The following RPS9 variants were observed in gnomAD, a reference collection of about 807,000 sequenced individuals.
RPS9 encodes ribosomal protein S9.
Under a neutral mutation model 16.9 loss-of-function variants are expected in RPS9, and 1 was observed. That is an observed-to-expected ratio of 0.06 (90% CI 0.02 to 0.28). RPS9 has a LOEUF of 0.28. RPS9 is among the 10% of genes least tolerant of loss of function. RPS9 has a pLI of 1.00. For missense variants in RPS9, 137 were observed against 273.2 expected (o/e 0.50, Z 3.51); for synonymous variants, 106 against 110.9 (o/e 0.96, Z 0.28).
intron 3 of RPS9, among the ~76,000 whole-genome samples, chr19:54,205,533 C>T (rs1339553665): frequency 3.3e-5 from 5 of 152,046 alleles, no homozygotes; most frequent in Admixed American, 6.6e-5. Context: ...ATTTATGGCA[C>T]GGAATGTGAT....
chr19:54,204,096 G>A (rs1462499665), intron 3 of RPS9, among the ~76,000 whole-genome samples: 1 of 152,122 alleles, frequency 6.6e-6, no homozygotes, highest in East Asian at 1.9e-4. Flanking sequence ...CAATAAATGT[G>A]GGCCTGAGTG....
intron 3 of RPS9, among the ~76,000 whole-genome samples, chr19:54,204,975 G>A (rs185025402): frequency 4.6e-5 from 7 of 152,278 alleles, no homozygotes; most frequent in South Asian, 2.1e-4. Flanking sequence ...GGAAAACTTT[G>A]GGTCCTCACA....
intron 3 of RPS9, 29 bp downstream of exon 3, chr19:54,201,638 TG>T: frequency 6.2e-7 from 1 of 1,613,652 alleles, no homozygotes; most frequent in African/African-American, 1.3e-5. Context: ...AGCAGAGGGA[TG>T]GGGTGCAGGG....
chr19:54,207,629 C>A lies in RPS9; in HGVS notation c.*54C>A. 1 of 1,478,090 alleles carries A rather than the reference C, an allele frequency of 6.8e-7. No individual in the cohort carries two copies. Among genetic ancestry groups the A allele is most frequent in the Non-Finnish European group, 9.1e-7 (1 of 1,096,752 alleles). The allele number at this position is 1,478,090 out of a possible 1,614,324, so 91.6% of individuals were successfully genotyped here. On this transcript the variant is annotated 3_prime_UTR_variant, in exon 5 of 5. Transcript: ENST00000302907. The stretch of plus-strand genomic sequence containing the variant: ...TTGTCTCGTTTTCCTGCCAAATAAA[C>A]AGGATCAGCGCTTTACAATTGGTGT...
intron 3 of RPS9, chr19:54,201,916 G>A: frequency 2.5e-6 from 1 of 393,854 alleles, no homozygotes; most frequent in Non-Finnish European, 4.5e-6. Context: ...TGGCCTGTTT[G>A]CTAGTGGATG....
At chr19:54,202,516 G>A (rs1009550074) in intron 3 of RPS9, 4 of 979,204 alleles carry the variant, frequency 4.1e-6, no homozygotes, top group Non-Finnish European at 4.9e-6. Context: ...ACTTTAGGAG[G>A]GCATGCAGAT....
chr19:54,206,583 A>G, intron 4 of RPS9, 121 bp downstream of exon 4: 1 of 1,554,142 alleles, frequency 6.4e-7, no homozygotes, highest in Non-Finnish European at 8.7e-7. Context: ...GAACTCACCC[A>G]GAGGGTACAG....
chr19:54,205,409 A>C (rs10424181), intron 3 of RPS9, among the ~76,000 whole-genome samples: 40,067 of 150,902 alleles, frequency 0.27, 6,587 homozygotes, highest in East Asian at 0.49. Flanking sequence ...CATACTAGAT[A>C]TATTTTTGGT....
At position 54,201,736 on chromosome 19, in the gene RPS9, T is replaced by C. The variant is rs939061135; in HGVS notation, c.220+127T>C. 4.0e-6 allele frequency: 6 copies of C among 1,481,768 alleles called. No homozygotes were observed. In the African/African-American group the frequency reaches 5.6e-5, roughly 14 times the overall value. 91.8% of individuals were successfully genotyped at this position (1,481,768 alleles called of 1,614,324 possible). A position where few individuals can be genotyped will look rare whatever the true frequency, so the allele number is the denominator to read the frequency against. ...ATAAATGGAACCAGCCTTCTAACTT[T>C]TAGTGGCACTTGTGGAGTAGGAAAA... On this transcript the variant is annotated intron_variant, in intron 3 of 4. Transcript: ENST00000302907.
At chr19:54,202,340 C>T (rs745535365) in intron 3 of RPS9, 39 of 786,318 alleles carry the variant, frequency 5.0e-5, no homozygotes, top group Non-Finnish European at 5.7e-5. Flanking sequence ...CATGGGCCAC[C>T]AAGCCTGGCT....
intron 3 of RPS9, chr19:54,202,403 C>T (rs2077089623): frequency 4.1e-6 from 4 of 983,126 alleles, no homozygotes; most frequent in Admixed American, 6.2e-5. Flanking sequence ...CAGGCTGGTG[C>T]TTGTTTTTTT....
chr19:54,204,448 G>C (rs1338505749), intron 3 of RPS9, among the ~76,000 whole-genome samples: 4 of 152,084 alleles, frequency 2.6e-5, no homozygotes, highest in African/African-American at 9.7e-5. Context: ...TTGTCTCCCG[G>C]GCTGGAGCAC....
Position 54,201,199 on chromosome 19 carries a change from G to A in RPS9, c.15G>A (p.Arg5=), listed in dbSNP as rs1337852255. 2 of 1,613,914 alleles carry A rather than the reference G, an allele frequency of 1.2e-6. No individual in the cohort carries two copies. The highest frequency in any genetic ancestry group is 1.7e-6 in the Non-Finnish European group (2 of 1,180,034). Residue 5 remains arginine, a synonymous_variant, in exon 2 of 5, where the codon CGG becomes CGA. Transcript: ENST00000302907. MPVA[R]SWVCRKTYVT... is the part of the protein sequence containing the mutation. ...GCGGAGCCAACATGCCAGTGGCCCG[G>A]AGCTGGGTTTGTCGCAAAACTTATG...
At chr19:54,207,021 T>C in intron 4 of RPS9, 1 of 437,098 alleles carries the variant, frequency 2.3e-6, no homozygotes, top group Non-Finnish European at 4.1e-6. Flanking sequence ...AGCCTCGGGT[T>C]GCTGTGTTAT....
intron 3 of RPS9, chr19:54,203,051 T>TG: frequency 1.0e-6 from 1 of 985,370 alleles, no homozygotes; most frequent in South Asian, 4.7e-5. Flanking sequence ...ATGAAAGTGC[T>TG]GGAGATCCCT....
At chr19:54,206,492 C>T (rs887131964) in intron 4 of RPS9, 30 bp downstream of exon 4, 4 of 1,612,564 alleles carry the variant, frequency 2.5e-6, no homozygotes, top group African/African-American at 1.3e-5. Context: ...CCTGAATCTT[C>T]CTCCACCTGC....
intron 4 of RPS9, 85 bp from the exon 5 acceptor site, chr19:54,207,313 G>A: frequency 8.2e-7 from 1 of 1,222,730 alleles, no homozygotes; most frequent in East Asian, 2.4e-5. Context: ...GCCTCACGGG[G>A]TGGGTGGAGA....
At chr19:54,202,729 T>G in intron 3 of RPS9, 2 of 985,462 alleles carry the variant, frequency 2.0e-6, no homozygotes, top group Non-Finnish European at 2.4e-6. Context: ...TCATGATTTA[T>G]GGTGAAAAGC....
intron 3 of RPS9, among the ~76,000 whole-genome samples, chr19:54,204,581 TTTTG>T (rs1177239101): frequency 2.0e-5 from 3 of 152,204 alleles, no homozygotes; most frequent in South Asian, 4.1e-4. Flanking sequence ...AGTTTTACTT[TTTTG>T]TTTGTTTTGG....
Sources: gnomAD v4.1 joint callset for allele counts (sites outside exome capture counted in the v4.1 genomes callset) on GRCh38, gnomAD v4.1.1 for gene constraint, MANE v1.5 for transcripts, NCBI Gene and HGNC (gene_info 2026-07-23, HGNC 2026-07-21) for gene names.